The following MAP1B variants were observed in gnomAD, a reference collection of about 807,000 sequenced individuals.
The protein encoded by MAP1B is microtubule-associated protein 1B.
Under a neutral mutation model 176.1 loss-of-function variants are expected in MAP1B, and 12 were observed. That is an observed-to-expected ratio of 0.07 (90% CI 0.04 to 0.11). The LOEUF (loss-of-function observed/expected upper bound fraction) is 0.11, where lower values mean the gene tolerates loss of function less well. Ranked by LOEUF, MAP1B falls within the 10% of genes least tolerant of loss-of-function variation. The pLI, the probability that MAP1B is intolerant of heterozygous loss-of-function variation, is 1.00. For synonymous variants in MAP1B, 1,044 were observed against 1,135.0 expected, an observed-to-expected ratio of 0.92 and a Z score of 1.61; for missense variants, 2,523 against 2,990.5, an observed-to-expected ratio of 0.84 and a Z score of 3.65.
At position 72,186,650 on chromosome 5, in the gene MAP1B, C is replaced by CT. The variant is rs753828375; in HGVS notation, c.407dup (p.Leu137AlafsTer9). 1 of 1,614,242 alleles carries CT rather than the reference C, an allele frequency of 6.2e-7. No homozygotes were observed. The highest frequency in any genetic ancestry group is 8.5e-7 in the Non-Finnish European group (1 of 1,180,054). The stretch of plus-strand genomic sequence containing the variant: ...GATCACTGATGCTGCCCGACACAAG[C>CT]TGCTCGTGCTGACCGGGCAGTGCTT... On this transcript the variant is annotated frameshift_variant, in exon 4 of 7. Transcript: ENST00000296755. LOFTEE classifies it high-confidence loss of function. This position sits in a 1 kb window ranked among gnomAD's most constrained non-coding sequence, Gnocchi z 4.3.
At chr5:72,137,490 T>G (rs1046992766) in intron 2 of MAP1B, among the ~76,000 whole-genome samples, 1 of 152,228 alleles carries the variant, frequency 6.6e-6, no homozygotes, top group Non-Finnish European at 1.5e-5. Flanking sequence ...TGGCAGGAGC[T>G]TCCCTTAATT....
chr5:72,180,020 C>A, intron 2 of MAP1B: 1 of 705,812 alleles, frequency 1.4e-6, no homozygotes, highest in Non-Finnish European at 1.7e-6. Flanking sequence ...ACCTCGGCAG[C>A]AGGCGAGCTC....
intron 2 of MAP1B, among the ~76,000 whole-genome samples, chr5:72,151,757 CCTCT>C (rs536484188): frequency 2.0e-5 from 3 of 152,172 alleles, no homozygotes; most frequent in Non-Finnish European, 2.9e-5. Context: ...CAGGGGCCAG[CCTCT>C]CTCTCTGTGT....
In MAP1B at chr5:72,197,860, C is replaced by T; in HGVS notation, c.4505C>T (p.Pro1502Leu). The T allele has an allele frequency of 1.2e-6, 2 of 1,614,174 alleles. No individual in the cohort carries two copies. The highest frequency in any genetic ancestry group is 1.7e-6 in the Non-Finnish European group (2 of 1,180,028). Residue 1502 changes from proline (P) to leucine (L), a missense_variant, in exon 5 of 7, where the codon CCC becomes CTC. This residue lies in a region of MAP1B where 1,925 missense variants were observed against 2,126.0 expected (regional missense o/e 0.91). Transcript: ENST00000296755. Reference sequence around the variant, plus strand: ...GAAAGGAAATTAGGAGATGTTTCTCCCACACAAATAGATGTCAGTCAGTTT... The same window carrying T: ...GAAAGGAAATTAGGAGATGTTTCTCTCACACAAATAGATGTCAGTCAGTTT... The part of the protein sequence containing the change: ...LDERKLGDVS[P>L]TQIDVSQFGS...
intron 2 of MAP1B, among the ~76,000 whole-genome samples, chr5:72,148,263 G>A (rs1236378960): frequency 6.6e-6 from 1 of 152,132 alleles, no homozygotes; most frequent in Non-Finnish European, 1.5e-5. Context: ...GCTGCACAGG[G>A]CTCCTTAACA....
intron 2 of MAP1B, among the ~76,000 whole-genome samples, chr5:72,158,854 T>A (rs1746277014): frequency 6.6e-6 from 1 of 152,160 alleles, no homozygotes; most frequent in South Asian, 2.1e-4. Context: ...TAAATGCATA[T>A]AATTTGATGT....
intron 2 of MAP1B, among the ~76,000 whole-genome samples, chr5:72,151,957 C>T (rs1452110894): frequency 6.6e-6 from 1 of 152,216 alleles, no homozygotes; most frequent in Non-Finnish European, 1.5e-5. Context: ...TTCCCCTTCA[C>T]CCTGCTTCCC....
chr5:72,151,388 G>T (rs1579996468), intron 2 of MAP1B, among the ~76,000 whole-genome samples: 1 of 152,100 alleles, frequency 6.6e-6, no homozygotes, highest in Non-Finnish European at 1.5e-5. Context: ...ATGAGATTTG[G>T]CAAGAACAAA....
At chr5:72,151,331 A>C (rs1439838177) in intron 2 of MAP1B, among the ~76,000 whole-genome samples, 1 of 152,164 alleles carries the variant, frequency 6.6e-6, no homozygotes, top group Non-Finnish European at 1.5e-5. Flanking sequence ...GACCCCTCCC[A>C]CTAGGCCTCA....
chr5:72,194,581 T>C lies in MAP1B; in HGVS notation c.1226T>C (p.Val409Ala). ...FRSVGNTIDP[V>A]ILFQKMGVGK... The stretch of plus-strand genomic sequence containing the variant: ...AGTGTAGGCAATACTATTGATCCTG[T>C]CATTCTTTTCCAAAAAATGGGAGTA... The change falls in exon 5 of 7, where the codon GTC becomes GCC. Residue 409 changes from valine to alanine, a missense_variant. By Grantham distance (64) the Val-to-Ala change is moderately conservative (BLOSUM62 0). Around this residue, in one of 4 missense-constraint regions of MAP1B, gnomAD observed 1,925 missense variants for 2,126.0 expected, o/e 0.91. Transcript: ENST00000296755. The surrounding 1 kb of genome is among the most constrained non-coding windows in gnomAD (Gnocchi z 7.2). 6.2e-7 allele frequency: 1 copy of C among 1,614,166 alleles called. No individual in the cohort carries two copies. Among genetic ancestry groups the C allele is most frequent in the Non-Finnish European group, 8.5e-7 (1 of 1,180,056 alleles).
At chr5:72,151,727 A>G (rs940831683) in intron 2 of MAP1B, among the ~76,000 whole-genome samples, 2 of 152,210 alleles carry the variant, frequency 1.3e-5, no homozygotes, top group Non-Finnish European at 2.9e-5. Flanking sequence ...CCAAACTGGC[A>G]GTGCTGAGCT....
chr5:72,144,397 T>C (rs1354619291), intron 2 of MAP1B, among the ~76,000 whole-genome samples: 1 of 152,166 alleles, frequency 6.6e-6, no homozygotes, highest in Non-Finnish European at 1.5e-5. Flanking sequence ...AATGTTTTTT[T>C]ACTGAATTCA....
intron 1 of MAP1B, 151 bp from the exon 2 acceptor site, chr5:72,115,547 T>G: frequency 1.6e-6 from 1 of 613,470 alleles, no homozygotes; most frequent in Non-Finnish European, 3.0e-6. Context: ...CCTCCCATTT[T>G]GTGGGCATCC....
At chr5:72,140,964 C>T (rs1745938222) in intron 2 of MAP1B, among the ~76,000 whole-genome samples, 1 of 152,148 alleles carries the variant, frequency 6.6e-6, no homozygotes, top group Non-Finnish European at 1.5e-5. Context: ...GTTGGGGGTG[C>T]ACCATTCTCC....
intron 2 of MAP1B, among the ~76,000 whole-genome samples, chr5:72,132,793 T>C (rs1043761374): frequency 6.6e-6 from 1 of 152,234 alleles, no homozygotes; most frequent in African/African-American, 2.4e-5. Context: ...TTTAGAGATA[T>C]ATTTTTTCCA....
At chr5:72,128,065 T>C (rs1745660410) in intron 2 of MAP1B, among the ~76,000 whole-genome samples, 1 of 152,184 alleles carries the variant, frequency 6.6e-6, no homozygotes, top group Non-Finnish European at 1.5e-5. Context: ...TATTGAAATA[T>C]AGTTCAAGAG....
rs908812304 is a variant in MAP1B at position 72,107,754 on chromosome 5, A to G, written c.184+39A>G. The G allele has an allele frequency of 1.3e-5, 21 of 1,590,836 alleles. No individual in the cohort carries two copies. The African/African-American group carries it at 1.7e-4, about 13-fold the overall frequency. On this transcript the variant is annotated intron_variant, in intron 1 of 6. Coordinates refer to ENST00000296755, the MANE Select transcript of MAP1B (RefSeq NM_005909.5). The stretch of plus-strand genomic sequence containing the variant: ...CGCCCCCAGAGACGCGCGCTGGGAG[A>G]CGCGCAAACACGACCCCACCCAGGG...
chr5:72,108,673 C>A lies in MAP1B; in HGVS notation c.184+958C>A, dbSNP rs1022564983. Among the ~76,000 whole-genome samples the A allele has an allele frequency of 2.0e-5, 3 of 152,108 alleles. No individual in the cohort carries two copies. In the South Asian group the frequency reaches 6.2e-4, roughly 31 times the overall value. ...GCTGCCGCAGTGCCTCCGGACCGCC[C>A]GCCACACCTGCCCCCCCACACTGCG... On this transcript the variant is annotated intron_variant, in intron 1 of 6. Coordinates refer to ENST00000296755, the MANE Select transcript of MAP1B (RefSeq NM_005909.5).
At chr5:72,203,474 G>A (rs1298177319) in intron 5 of MAP1B, 89 bp from the exon 6 acceptor site, 1 of 902,054 alleles carries the variant, frequency 1.1e-6, no homozygotes, top group African/African-American at 1.6e-5. Flanking sequence ...ATTGAATAGG[G>A]AAGGTGTGAT....
Sources: gnomAD v4.1 joint callset for allele counts (sites outside exome capture counted in the v4.1 genomes callset) on GRCh38, gnomAD v4.1.1 for gene constraint, gnomAD v4.1.1 regional missense constraint, Gnocchi (gnomAD v3.1) non-coding constraint, MANE v1.5 for transcripts, NCBI Gene and HGNC (gene_info 2026-07-23, HGNC 2026-07-21) for gene names.